Variants in FARP1 observed in about 807,000 individuals in gnomAD.
FARP1 encodes FERM, ARHGEF and pleckstrin domain-containing protein 1.
In FARP1, 52 loss-of-function variants were observed where a neutral mutation model predicts 128.8. That is an observed-to-expected ratio of 0.40 (90% CI 0.32 to 0.51). FARP1 has a LOEUF of 0.51. Ranked by LOEUF, FARP1 falls within the 20% of genes least tolerant of loss-of-function variation. FARP1 has a pLI of 0.45. For missense variants in FARP1, 1,333 were observed against 1,367.9 expected (o/e 0.97, Z 0.40); for synonymous variants, 580 against 551.8 (o/e 1.05, Z -0.72).
chr13:98,161,568 C>G (rs923524224), intron 1 of FARP1, among the ~76,000 whole-genome samples: 1 of 152,050 alleles, frequency 6.6e-6, no homozygotes, highest in Non-Finnish European at 1.5e-5. Context: ...CTCTTGAGGT[C>G]ATTTCCTGTT....
rs59298355 is a variant in FARP1, at chr13:98,378,909, A to ATT, written c.496+991_496+992insTT. ...GTGCCAGCACTATATATATATATAT[A>ATT]ATATATATATAATATATACAATATA... On this transcript the variant is annotated intron_variant, in intron 6 of 26. Transcript: ENST00000319562. 3.6e-5 allele frequency among the ~76,000 whole-genome samples: 3 copies of ATT among 82,474 alleles called. 1 individual carries two copies. The highest frequency in any genetic ancestry group is 5.0e-5 in the Non-Finnish European group (2 of 40,120). 54.1% of individuals were successfully genotyped at this position (82,474 alleles called of 152,430 possible).
At chr13:98,347,395 C>G (rs1318659290) in intron 3 of FARP1, among the ~76,000 whole-genome samples, 6 of 152,158 alleles carry the variant, frequency 3.9e-5, no homozygotes, top group Non-Finnish European at 7.4e-5. Flanking sequence ...ACTCTACACC[C>G]ACTGAAGAAC....
chr13:98,434,997 CAAAT>C (rs1158128209), intron 18 of FARP1: 2 of 152,354 alleles, frequency 1.3e-5, no homozygotes, highest in Non-Finnish European at 2.9e-5. Flanking sequence ...CTGTCTCAAA[CAAAT>C]AAAAGAAAAG....
intron 1 of FARP1, among the ~76,000 whole-genome samples, chr13:98,154,467 G>T (rs572196360): frequency 1.6e-4 from 24 of 152,224 alleles, no homozygotes; most frequent in African/African-American, 5.8e-4. Flanking sequence ...GGACTCTCTG[G>T]CAGAGAAAGA....
chr13:98,276,571 T>C (rs956424850), intron 2 of FARP1, among the ~76,000 whole-genome samples: 3 of 151,438 alleles, frequency 2.0e-5, no homozygotes, highest in Non-Finnish European at 1.5e-5. Context: ...TAACTTTTTT[T>C]CTTGCTTAAA....
At chr13:98,443,996 A>G (rs1892659379) in intron 24 of FARP1, among the ~76,000 whole-genome samples, 2 of 126,654 alleles carry the variant, frequency 1.6e-5, no homozygotes, top group South Asian at 5.1e-4. Flanking sequence ...CATCTCCCAC[A>G]GTGCGGGAAG....
chr13:98,306,323 A>G (rs1886153452), intron 2 of FARP1, among the ~76,000 whole-genome samples: 1 of 152,182 alleles, frequency 6.6e-6, no homozygotes, highest in South Asian at 2.1e-4. Context: ...TACGAGGGGA[A>G]GAGGTGGGAG....
chr13:98,446,059 G>T lies in FARP1; in HGVS notation c.2797-39G>T, dbSNP rs772169930. The T allele has an allele frequency of 6.4e-6, 9 of 1,399,682 alleles. No individual in the cohort carries two copies. The South Asian group carries it at 9.3e-5, about 14-fold the overall frequency. The allele number at this position is 1,399,682 out of a possible 1,614,324, so 86.7% of individuals were successfully genotyped here. A position where few individuals can be genotyped will look rare whatever the true frequency, so the allele number is the denominator to read the frequency against. On this transcript the variant is annotated intron_variant, in intron 24 of 26. Coordinates refer to ENST00000319562, the MANE Select transcript of FARP1 (RefSeq NM_005766.4). ...TGCTCTCTGTGCCCTCCTGGGGCAG[G>T]TGCCCGCTGTGCTTCTCACAGGCCT...
intron 2 of FARP1, among the ~76,000 whole-genome samples, chr13:98,305,450 C>T (rs1199602310): frequency 6.6e-6 from 1 of 152,126 alleles, no homozygotes; most frequent in East Asian, 1.9e-4. Context: ...TCTCCTGCCT[C>T]AGCCTCCCGA....
chr13:98,153,543 T>C (rs1322135805), intron 1 of FARP1, among the ~76,000 whole-genome samples: 3 of 85,476 alleles, frequency 3.5e-5, no homozygotes, highest in African/African-American at 7.5e-5. Flanking sequence ...TATATAAATA[T>C]GTATAAATAT....
intron 2 of FARP1, among the ~76,000 whole-genome samples, chr13:98,302,787 G>C (rs534879091): frequency 1.3e-5 from 2 of 152,328 alleles, no homozygotes; most frequent in East Asian, 3.9e-4. Flanking sequence ...CAGAGTAGGG[G>C]CAGGAGCAGC....
At chr13:98,378,060 G>A (rs1889669248) in intron 6 of FARP1, 142 bp downstream of exon 6, 4 of 637,442 alleles carry the variant, frequency 6.3e-6, no homozygotes, top group South Asian at 1.9e-5. Flanking sequence ...GCCTACGGGT[G>A]GAAGAGAAAA....
chr13:98,353,764 G>A (rs1888533402), intron 3 of FARP1, among the ~76,000 whole-genome samples: 2 of 152,174 alleles, frequency 1.3e-5, no homozygotes, highest in Admixed American at 6.6e-5. Context: ...AGCAGAATAA[G>A]CAAATGATAG....
intron 13 of FARP1, chr13:98,405,864 A>C (rs1378042111): frequency 6.6e-6 from 1 of 152,250 alleles, no homozygotes; most frequent in African/African-American, 2.4e-5. Context: ...AATGAATGTC[A>C]GTCACAGTTT....
intron 1 of FARP1, among the ~76,000 whole-genome samples, chr13:98,148,664 G>A (rs1335937880): frequency 6.6e-6 from 1 of 152,132 alleles, no homozygotes; most frequent in Non-Finnish European, 1.5e-5. Context: ...TCTGTTGGTG[G>A]TAACTTCAGT....
chr13:98,367,894 T>G (rs1889166927), intron 4 of FARP1, among the ~76,000 whole-genome samples: 1 of 152,170 alleles, frequency 6.6e-6, no homozygotes, highest in Non-Finnish European at 1.5e-5. Flanking sequence ...ATGTAGTACT[T>G]TTGTCACAGT....
chr13:98,371,602 G>T (rs1318272625), intron 5 of FARP1, among the ~76,000 whole-genome samples: 1 of 151,916 alleles, frequency 6.6e-6, no homozygotes, highest in African/African-American at 2.4e-5. Flanking sequence ...TTGGTACAAG[G>T]CATAGAGAAC....
chr13:98,314,015 A>T (rs1297369448), intron 2 of FARP1, among the ~76,000 whole-genome samples: 4 of 152,188 alleles, frequency 2.6e-5, no homozygotes, highest in Admixed American at 6.5e-5. Flanking sequence ...TGCCCAAGCT[A>T]CAGGTCCCTC....
intron 2 of FARP1, among the ~76,000 whole-genome samples, chr13:98,323,033 C>T (rs1887068871): frequency 6.6e-6 from 1 of 152,180 alleles, no homozygotes; most frequent in African/African-American, 2.4e-5. Flanking sequence ...GCTGGCACTA[C>T]ACAATTGCAG....
Sources: allele counts gnomAD v4.1 joint callset (sites outside exome capture counted in the v4.1 genomes callset), GRCh38; gene constraint gnomAD v4.1.1; transcripts MANE v1.5; gene names NCBI Gene and HGNC (gene_info 2026-07-23, HGNC 2026-07-21).